BMP6: variants seen among roughly 807,000 people sequenced by gnomAD.
The protein encoded by BMP6 is bone morphogenetic protein 6, also known as VG-1-R.
A neutral mutation model predicts 54.1 loss-of-function variants in BMP6; 17 were observed. That is an observed-to-expected ratio of 0.31 (90% CI 0.22 to 0.47). The LOEUF (loss-of-function observed/expected upper bound fraction) is 0.47. Ranked by LOEUF, BMP6 falls within the 20% of genes least tolerant of loss-of-function variation. BMP6 has a pLI of 1.00. For missense variants in BMP6, 720 were observed against 690.4 expected, an observed-to-expected ratio of 1.04 and a Z score of -0.48; for synonymous variants, 328 against 291.2, an observed-to-expected ratio of 1.13 and a Z score of -1.28.
At chr6:7,749,105 C>T (rs920313438) in intron 1 of BMP6, among the ~76,000 whole-genome samples, 1 of 152,336 alleles carries the variant, frequency 6.6e-6, no homozygotes, top group South Asian at 2.1e-4. Context: ...TGTGTTTCAT[C>T]TACAAAAGGC....
intron 1 of BMP6, among the ~76,000 whole-genome samples, chr6:7,842,828 T>C (rs1758998155): frequency 1.3e-5 from 2 of 152,246 alleles, no homozygotes; most frequent in Non-Finnish European, 2.9e-5. Context: ...TTATGTCTTA[T>C]TTCTTATATT....
chr6:7,766,627 AAAAT>A (rs1434485284), intron 1 of BMP6, among the ~76,000 whole-genome samples: 2 of 152,202 alleles, frequency 1.3e-5, no homozygotes, highest in African/African-American at 4.8e-5. Flanking sequence ...CATAAAAAAT[AAAAT>A]AAATAAATAA....
In BMP6 at chr6:7,862,309, G is replaced by C. The variant is rs1477718187; in HGVS notation, c.1015G>C (p.Val339Leu). 4 of 1,614,150 alleles carry C rather than the reference G, an allele frequency of 2.5e-6. No homozygotes were observed. The Admixed American group carries it at 5.0e-5, about 20-fold the overall frequency. Reference sequence around the variant, plus strand: ...TTTGATTTGCATTAAAGGAGTCCACGTCCACCCCCGAGCCGCAGGCCTGGT... The same window carrying C: ...TTTGATTTGCATTAAAGGAGTCCACCTCCACCCCCGAGCCGCAGGCCTGGT... ...LSVVTRDGVH[V>L]HPRAAGLVGR... The change falls in exon 4 of 7, where the codon GTC becomes CTC. Residue 339 changes from valine to leucine, a missense_variant. Around this residue, in one of 3 missense-constraint regions of BMP6, gnomAD observed 650 missense variants for 556.3 expected, o/e 1.17. Coordinates refer to ENST00000283147, the MANE Select transcript of BMP6 (RefSeq NM_001718.6).
At chr6:7,820,216 C>T (rs924529936) in intron 1 of BMP6, among the ~76,000 whole-genome samples, 2 of 152,156 alleles carry the variant, frequency 1.3e-5, no homozygotes, top group Non-Finnish European at 2.9e-5. Context: ...AATGACATCA[C>T]CCCATACATG....
At chr6:7,812,235 A>T (rs1758446307) in intron 1 of BMP6, among the ~76,000 whole-genome samples, 2 of 152,244 alleles carry the variant, frequency 1.3e-5, no homozygotes, top group African/African-American at 4.8e-5. Context: ...AATTAATTCC[A>T]TATAATAACT....
At chr6:7,805,782 G>A (rs867379151) in intron 1 of BMP6, among the ~76,000 whole-genome samples, 15 of 152,116 alleles carry the variant, frequency 9.9e-5, no homozygotes, top group South Asian at 4.2e-4. Context: ...TCTGAGGGTC[G>A]GTAGAGATGA....
chr6:7,873,870 A>C (rs556599698), intron 4 of BMP6, among the ~76,000 whole-genome samples: 12 of 152,098 alleles, frequency 7.9e-5, no homozygotes, highest in Non-Finnish European at 1.3e-4. Flanking sequence ...TGCTTTTTAC[A>C]TGACCAAATG....
intron 1 of BMP6, among the ~76,000 whole-genome samples, chr6:7,791,722 C>T (rs1758111293): frequency 6.6e-6 from 1 of 152,166 alleles, no homozygotes; most frequent in Admixed American, 6.5e-5. Flanking sequence ...TGTGTTCCCT[C>T]TCCAGCGAAT....
At chr6:7,746,857 T>C (rs1757354536) in intron 1 of BMP6, among the ~76,000 whole-genome samples, 1 of 152,180 alleles carries the variant, frequency 6.6e-6, no homozygotes, top group Non-Finnish European at 1.5e-5. Context: ...TCACAGGTGC[T>C]CAGCCACCTG....
At chr6:7,733,813 C>G (rs1187963017) in intron 1 of BMP6, among the ~76,000 whole-genome samples, 2 of 152,188 alleles carry the variant, frequency 1.3e-5, no homozygotes, top group Non-Finnish European at 2.9e-5. Context: ...GCACTAGTCT[C>G]TCCTGGAATA....
At chr6:7,844,996 G>GGTCT (rs747256757) in intron 1 of BMP6, 144 bp from the exon 2 acceptor site, 28 of 649,712 alleles carry the variant, frequency 4.3e-5, no homozygotes, top group Non-Finnish European at 6.5e-5. Context: ...GCCAGCCAGT[G>GGTCT]GTCTGTTCAC....
intron 4 of BMP6, 64 bp downstream of exon 4, chr6:7,862,562 T>A: frequency 2.5e-6 from 4 of 1,589,104 alleles, no homozygotes; most frequent in Non-Finnish European, 3.4e-6. Flanking sequence ...ACAAAAGTTG[T>A]GTCCACAGTC....
intron 4 of BMP6, among the ~76,000 whole-genome samples, chr6:7,867,340 T>C (rs574877991): frequency 1.3e-5 from 2 of 152,246 alleles, no homozygotes; most frequent in Non-Finnish European, 2.9e-5. Flanking sequence ...GACTATTCAA[T>C]AGGCTTTCAG....
At chr6:7,833,997 A>G (rs925295201) in intron 1 of BMP6, among the ~76,000 whole-genome samples, 3 of 152,150 alleles carry the variant, frequency 2.0e-5, no homozygotes, top group Non-Finnish European at 4.4e-5. Context: ...GGGAGTTTCC[A>G]TGAGCAAACA....
intron 2 of BMP6, among the ~76,000 whole-genome samples, chr6:7,853,235 T>TG (rs1759173674): frequency 6.6e-6 from 1 of 152,166 alleles, no homozygotes; most frequent in Non-Finnish European, 1.5e-5. Context: ...TTTTTTTTAG[T>TG]GGGAATGTTA....
chr6:7,775,093 C>T (rs1353500625), intron 1 of BMP6, among the ~76,000 whole-genome samples: 1 of 152,156 alleles, frequency 6.6e-6, no homozygotes, highest in African/African-American at 2.4e-5. Flanking sequence ...TCCCTCGTGA[C>T]CTAATCACCT....
At chr6:7,847,466 T>A (rs936630082) in intron 2 of BMP6, among the ~76,000 whole-genome samples, 1 of 152,196 alleles carries the variant, frequency 6.6e-6, no homozygotes, top group African/African-American at 2.4e-5. Context: ...GATCTCCCCA[T>A]CTGTACCATC....
chr6:7,861,423 T>A, intron 2 of BMP6, 28 bp from the exon 3 acceptor site: 1 of 1,612,748 alleles, frequency 6.2e-7, no homozygotes, highest in Non-Finnish European at 8.5e-7. Flanking sequence ...AGTGCGCTAT[T>A]TACCAGGCCA....
chr6:7,839,488 CT>C (rs1184051784), intron 1 of BMP6, among the ~76,000 whole-genome samples: 5 of 152,360 alleles, frequency 3.3e-5, no homozygotes, highest in African/African-American at 1.2e-4. Flanking sequence ...CCCATAGCCC[CT>C]GGTATACCAT....
Sources: allele counts gnomAD v4.1 joint callset (sites outside exome capture counted in the v4.1 genomes callset), GRCh38; gene constraint gnomAD v4.1.1; regional missense constraint gnomAD v4.1.1; transcripts MANE v1.5; gene names NCBI Gene and HGNC (gene_info 2026-07-23, HGNC 2026-07-21).